Variants in NF2 observed in about 807,000 individuals in gnomAD.
The protein encoded by NF2 is merlin.
A neutral mutation model predicts 83.7 loss-of-function variants in NF2; 8 were observed. The observed-to-expected ratio is 0.10, with a 90% CI of 0.06 to 0.17. The LOEUF (loss-of-function observed/expected upper bound fraction) is 0.17. Among genes scored for constraint, NF2 ranks in the 10% least tolerant of loss-of-function variants. The pLI is 1.00. For synonymous variants in NF2, 266 were observed against 269.6 expected, an observed-to-expected ratio of 0.99 and a Z score of 0.13; for missense variants, 533 against 744.4, an observed-to-expected ratio of 0.72 and a Z score of 3.31.
At chr22:29,629,729 G>A (rs2065458791) in intron 1 of NF2, among the ~76,000 whole-genome samples, 2 of 152,234 alleles carry the variant, frequency 1.3e-5, no homozygotes, top group South Asian at 2.1e-4. Flanking sequence ...ATAAGTGAAT[G>A]CTGAGTTTGT....
Position 29,661,348 on chromosome 22 carries a change from T to C in NF2, c.810+9T>C, listed in dbSNP as rs143794864. ...CGTACAGTGACAAGGAGGTAGGACATGTGTGTACTGCAGATGGGTCCAGCA... is the reference window on the plus strand; with the variant it reads ...CGTACAGTGACAAGGAGGTAGGACACGTGTGTACTGCAGATGGGTCCAGCA... On this transcript the variant is annotated intron_variant, in intron 8 of 15. Transcript: ENST00000338641. 3.7e-6 allele frequency: 6 copies of C among 1,613,574 alleles called. No individual in the cohort carries two copies. The highest frequency in any genetic ancestry group is 1.3e-5 in the African/African-American group (1 of 75,048).
At chr22:29,648,319 G>A (rs2066043728) in intron 4 of NF2, among the ~76,000 whole-genome samples, 1 of 152,054 alleles carries the variant, frequency 6.6e-6, no homozygotes, top group South Asian at 2.1e-4. Context: ...GAGAAAACAA[G>A]AATGGTCATA....
chr22:29,688,949 G>A (rs1047203459), intron 15 of NF2, among the ~76,000 whole-genome samples: 1 of 152,150 alleles, frequency 6.6e-6, no homozygotes, highest in African/African-American at 2.4e-5. Context: ...GGGAGGCCGA[G>A]GCAGGCGGAT....
intron 1 of NF2, among the ~76,000 whole-genome samples, chr22:29,632,589 C>G (rs892334028): frequency 6.6e-6 from 1 of 152,182 alleles, no homozygotes; most frequent in Non-Finnish European, 1.5e-5. Flanking sequence ...CCATTTGTCC[C>G]CTGCACCTTG....
chr22:29,609,530 T>C (rs1402092574), intron 1 of NF2: 3 of 236,360 alleles, frequency 1.3e-5, no homozygotes, highest in Non-Finnish European at 2.7e-5. Flanking sequence ...AATGTTTGTT[T>C]ATGAAATCTC....
chr22:29,625,015 C>T (rs1402537400), intron 1 of NF2, among the ~76,000 whole-genome samples: 2 of 147,406 alleles, frequency 1.4e-5, no homozygotes, highest in African/African-American at 5.0e-5. Flanking sequence ...TCACTGCAAC[C>T]TCCGCCTCTG....
chr22:29,674,958 C>T lies in NF2; in HGVS notation c.1446+17C>T. The T allele has an allele frequency of 3.9e-6, 6 of 1,549,286 alleles. No homozygotes were observed. Among genetic ancestry groups the T allele is most frequent in the Non-Finnish European group, 5.2e-6 (6 of 1,143,960 alleles). ...ACGTACCCGGTGAGCCTGGGGGCCA[C>T]CAGCTGGGGCTGCCTTAGTCCTGGT... On this transcript the variant is annotated intron_variant, in intron 13 of 15. Transcript: ENST00000338641.
At chr22:29,664,553 A>C (rs568451244) in intron 8 of NF2, among the ~76,000 whole-genome samples, 5 of 152,194 alleles carry the variant, frequency 3.3e-5, no homozygotes, top group Non-Finnish European at 7.3e-5. Context: ...GAACCTCCAC[A>C]TATTTGTGAT....
chr22:29,673,619 C>G, intron 12 of NF2, 133 bp downstream of exon 12: 2 of 998,006 alleles, frequency 2.0e-6, no homozygotes, highest in East Asian at 5.2e-5. Flanking sequence ...GGAGGCTCCT[C>G]CTTGGCTGAT....
intron 8 of NF2, among the ~76,000 whole-genome samples, chr22:29,664,748 C>T (rs892607896): frequency 2.0e-5 from 3 of 152,172 alleles, no homozygotes; most frequent in African/African-American, 7.2e-5. Flanking sequence ...TGTCAAGAAT[C>T]CCTTCCCACA....
At chr22:29,693,312 G>T (rs1277218053) in intron 15 of NF2, among the ~76,000 whole-genome samples, 1 of 152,214 alleles carries the variant, frequency 6.6e-6, no homozygotes, top group Non-Finnish European at 1.5e-5. Flanking sequence ...AAAGGGCTCT[G>T]AAATTGGTTC....
intron 1 of NF2, among the ~76,000 whole-genome samples, chr22:29,610,307 C>T (rs2064915756): frequency 6.6e-6 from 1 of 151,802 alleles, no homozygotes; most frequent in South Asian, 2.1e-4. Context: ...GATTGTGCCA[C>T]AGTGCTTCAG....
At chr22:29,659,685 A>G (rs2857639) in intron 7 of NF2, among the ~76,000 whole-genome samples, 56,784 of 152,064 alleles carry the variant, frequency 0.37, 11,306 homozygotes, top group Non-Finnish European at 0.47. Context: ...TTTAATCTCT[A>G]GGAGTGTTGG....
chr22:29,649,590 A>G (rs1436564691), intron 4 of NF2, among the ~76,000 whole-genome samples: 2 of 152,144 alleles, frequency 1.3e-5, no homozygotes, highest in Non-Finnish European at 2.9e-5. Context: ...CAAAAAATAT[A>G]TAAAAGCCAG....
chr22:29,624,825 CTT>C (rs1491589367), intron 1 of NF2, among the ~76,000 whole-genome samples: 3 of 140,344 alleles, frequency 2.1e-5, no homozygotes, highest in Non-Finnish European at 4.8e-5. Flanking sequence ...TTCTTTCTTT[CTT>C]TCTTTCTTTC....
At position 29,691,195 on chromosome 22, in the gene NF2, G is replaced by C. The variant is rs575848174; in HGVS notation, c.1738-3557G>C. The stretch of plus-strand genomic sequence containing the variant: ...GAGGAATTCCCCGCCCTCCTGGGGG[G>C]ACTCCACTCCCCAGGCAGGCAAGGT... On this transcript the variant is annotated intron_variant, in intron 15 of 15. Coordinates refer to ENST00000338641, the MANE Select transcript of NF2 (RefSeq NM_000268.4). Among the ~76,000 whole-genome samples, 5 of 152,324 alleles carry C rather than the reference G, an allele frequency of 3.3e-5. No individual in the cohort carries two copies. The East Asian group carries it at 7.7e-4, about 23-fold the overall frequency.
intron 4 of NF2, among the ~76,000 whole-genome samples, chr22:29,651,514 T>C (rs1004420782): frequency 1.3e-5 from 2 of 152,216 alleles, no homozygotes; most frequent in African/African-American, 4.8e-5. Flanking sequence ...ATGCATCTGT[T>C]ACATAAAACG....
At position 29,694,806 on chromosome 22, in the gene NF2, G is replaced by A. The variant is rs141099051; in HGVS notation, c.*4G>A. The A allele has an allele frequency of 4.7e-4, 764 of 1,612,236 alleles. 4 individuals carry two copies. The African/African-American group carries it at 4.8e-3, about 10-fold the overall frequency. On this transcript the variant is annotated 3_prime_UTR_variant, in exon 16 of 16. Transcript: ENST00000338641. This position sits in a 1 kb window ranked among gnomAD's most constrained non-coding sequence, Gnocchi z 4.1. ...GGCCTTCTTTGAAGAGCTCTAGCAG[G>A]TGACCCAGCCACCCCAGGACCTGCC...
intron 4 of NF2, among the ~76,000 whole-genome samples, chr22:29,651,626 G>T (rs1200940734): frequency 6.6e-6 from 1 of 152,180 alleles, no homozygotes; most frequent in Non-Finnish European, 1.5e-5. Context: ...TGTTTAAAGA[G>T]ACATTTAAGA....
Sources: gnomAD v4.1 joint callset for allele counts (sites outside exome capture counted in the v4.1 genomes callset) on GRCh38, gnomAD v4.1.1 for gene constraint, Gnocchi (gnomAD v3.1) non-coding constraint, MANE v1.5 for transcripts, NCBI Gene and HGNC (gene_info 2026-07-23, HGNC 2026-07-21) for gene names.